Variants in C8orf34 observed in about 807,000 individuals in gnomAD.
The protein encoded by C8orf34 is uncharacterized protein C8orf34.
C8orf34 carries 65 observed loss-of-function variants against 68.3 expected under a neutral mutation model. The observed-to-expected ratio is 0.95, with a 90% CI of 0.78 to 1.17. The LOEUF (loss-of-function observed/expected upper bound fraction) is 1.17, where lower values mean the gene tolerates loss of function less well. C8orf34 is among the 50% of genes most tolerant of loss of function. The pLI is 0.00. For synonymous variants in C8orf34, 244 were observed against 241.2 expected, an observed-to-expected ratio of 1.01 and a Z score of -0.11; for missense variants, 664 against 655.4, an observed-to-expected ratio of 1.01 and a Z score of -0.14.
intron 12 of C8orf34, among the ~76,000 whole-genome samples, chr8:68,801,397 G>T (rs1366267199): frequency 2.6e-5 from 4 of 152,142 alleles, no homozygotes; most frequent in Non-Finnish European, 5.9e-5. Flanking sequence ...TGTCCAGTTT[G>T]CCATGGTTTC....
intron 7 of C8orf34, among the ~76,000 whole-genome samples, chr8:68,563,338 A>G (rs529200848): frequency 6.6e-6 from 1 of 152,144 alleles, no homozygotes; most frequent in Non-Finnish European, 1.5e-5. Context: ...TACAGTTGTG[A>G]TAACTCTAAA....
intron 10 of C8orf34, among the ~76,000 whole-genome samples, chr8:68,768,333 A>G (rs1043218384): frequency 2.0e-5 from 3 of 152,126 alleles, no homozygotes; most frequent in African/African-American, 7.2e-5. Flanking sequence ...TGATTTTTTT[A>G]AAAGTCTTGG....
At chr8:68,574,162 A>G (rs1307966937) in intron 7 of C8orf34, among the ~76,000 whole-genome samples, 1 of 152,096 alleles carries the variant, frequency 6.6e-6, no homozygotes, top group Non-Finnish European at 1.5e-5. Flanking sequence ...CAATTTTTTA[A>G]TAATATTAGC....
chr8:68,661,805 C>T lies in C8orf34; in HGVS notation c.1241+21294C>T, dbSNP rs187401475. Among the ~76,000 whole-genome samples the T allele has an allele frequency of 2.5e-4, 38 of 151,836 alleles. No individual in the cohort carries two copies. In the East Asian group the frequency reaches 7.4e-3, roughly 30 times the overall value. On this transcript the variant is annotated intron_variant, in intron 8 of 13. Coordinates refer to ENST00000518698, the MANE Select transcript of C8orf34 (RefSeq NM_052958.4). ...GGGTAGTTGGAGGTTCTCGGGGGAC[C>T]CTTTCCTTACTGTCTGCCTAAAGCA...
At chr8:68,438,713 A>G (rs192205185) in intron 1 of C8orf34, 4 of 152,320 alleles carry the variant, frequency 2.6e-5, no homozygotes, top group Admixed American at 1.3e-4. Context: ...AGCTGTTCAT[A>G]TTAGAAAAAT....
intron 5 of C8orf34, among the ~76,000 whole-genome samples, chr8:68,519,689 T>C (rs1231724452): frequency 6.6e-6 from 1 of 152,100 alleles, no homozygotes; most frequent in Non-Finnish European, 1.5e-5. Flanking sequence ...GTTTGAAAAT[T>C]AAAGCAAAAC....
chr8:68,777,680 A>G (rs144251868), intron 11 of C8orf34, among the ~76,000 whole-genome samples: 29 of 152,344 alleles, frequency 1.9e-4, no homozygotes, highest in African/African-American at 6.5e-4. Context: ...AAGTGCCAAG[A>G]TGCTCTGCCA....
chr8:68,741,612 C>T (rs1822296452), intron 10 of C8orf34, among the ~76,000 whole-genome samples: 2 of 152,102 alleles, frequency 1.3e-5, no homozygotes, highest in South Asian at 2.1e-4. Flanking sequence ...TCCCTCCACC[C>T]CACCCCATAC....
At chr8:68,560,075 T>C (rs55686711) in intron 7 of C8orf34, among the ~76,000 whole-genome samples, 32,189 of 151,700 alleles carry the variant, frequency 0.21, 4,442 homozygotes, top group African/African-American at 0.4. Flanking sequence ...TTGCATTCCA[T>C]ATTAAATGGT....
At chr8:68,546,872 T>A (rs1815901725) in intron 7 of C8orf34, among the ~76,000 whole-genome samples, 1 of 151,534 alleles carries the variant, frequency 6.6e-6, no homozygotes, top group Admixed American at 6.6e-5. Context: ...ACTTAGAAAA[T>A]AATTCAAACT....
intron 1 of C8orf34, among the ~76,000 whole-genome samples, chr8:68,405,937 CA>C (rs1809172987): frequency 6.6e-6 from 1 of 152,052 alleles, no homozygotes; most frequent in South Asian, 2.1e-4. Flanking sequence ...ACAAAGCATA[CA>C]AAAAGAGTTT....
intron 7 of C8orf34, among the ~76,000 whole-genome samples, chr8:68,547,906 G>A (rs1038826401): frequency 5.9e-5 from 9 of 151,858 alleles, no homozygotes; most frequent in Non-Finnish European, 1.2e-4. Flanking sequence ...CACATATGTG[G>A]TCAATTAGTT....
At chr8:68,577,535 G>A (rs1219337666) in intron 7 of C8orf34, among the ~76,000 whole-genome samples, 2 of 151,814 alleles carry the variant, frequency 1.3e-5, no homozygotes, top group East Asian at 1.9e-4. Flanking sequence ...ATTATTATAT[G>A]CATTATTAAA....
chr8:68,794,911 A>G (rs1286338196), intron 12 of C8orf34, among the ~76,000 whole-genome samples: 3 of 152,136 alleles, frequency 2.0e-5, no homozygotes, highest in Non-Finnish European at 4.4e-5. Context: ...ATTTGGGAAC[A>G]TTTTGGAGTT....
intron 7 of C8orf34, among the ~76,000 whole-genome samples, chr8:68,555,871 A>C (rs1430803902): frequency 6.6e-6 from 1 of 152,184 alleles, no homozygotes; most frequent in East Asian, 1.9e-4. Flanking sequence ...TCTATTCATC[A>C]ATTTCCAGAT....
In C8orf34 at chr8:68,331,185, G is replaced by C. The variant is rs1037359048; in HGVS notation, c.173G>C (p.Ser58Thr). 3 of 1,533,194 alleles carry C rather than the reference G, an allele frequency of 2.0e-6. No homozygotes were observed. The African/African-American group carries it at 4.1e-5, about 21-fold the overall frequency. 95.0% of individuals were successfully genotyped at this position (1,533,194 alleles called of 1,614,324 possible). A position where few individuals can be genotyped will look rare whatever the true frequency, so the allele number is the denominator to read the frequency against. The change falls in exon 1 of 14, where the codon AGT (serine) becomes ACT (threonine). Residue 58 changes from serine to threonine, a missense_variant. Ser to Thr is a moderately conservative substitution (Grantham distance 58). Coordinates refer to ENST00000518698, the MANE Select transcript of C8orf34 (RefSeq NM_052958.4). ...CTCCGGAGCTCCTGTCCCGGCCCCA[G>C]TCCGGGTAAAAGGAGGGTTGTCCCC... ...PRLRSSCPGP[S>T]PGKRRVVPSG... is the part of the protein sequence containing the mutation.
intron 8 of C8orf34, among the ~76,000 whole-genome samples, chr8:68,642,266 C>T (rs1221441990): frequency 6.6e-6 from 1 of 152,164 alleles, no homozygotes; most frequent in Non-Finnish European, 1.5e-5. Flanking sequence ...AAGTTCATGA[C>T]TGTTTTGATG....
chr8:68,711,898 G>A (rs1160041054), intron 9 of C8orf34, among the ~76,000 whole-genome samples: 1 of 152,138 alleles, frequency 6.6e-6, no homozygotes, highest in African/African-American at 2.4e-5. Context: ...GTTATCTAAA[G>A]TCAAGATGAA....
At chr8:68,502,573 A>T (rs1318187549) in intron 5 of C8orf34, among the ~76,000 whole-genome samples, 1 of 152,196 alleles carries the variant, frequency 6.6e-6, no homozygotes, top group African/African-American at 2.4e-5. Context: ...AGGTTAGGGG[A>T]CCAAGTTCTT....
Sources: gnomAD v4.1 joint callset for allele counts (sites outside exome capture counted in the v4.1 genomes callset) on GRCh38, gnomAD v4.1.1 for gene constraint, MANE v1.5 for transcripts, NCBI Gene and HGNC (gene_info 2026-07-23, HGNC 2026-07-21) for gene names.